Variants in SRPK2 observed in about 807,000 individuals in gnomAD.
SRPK2 encodes the protein SRSF protein kinase 2, also known as SFRS protein kinase 2.
SRPK2 carries 21 observed loss-of-function variants against 90.8 expected under a neutral mutation model. That is an observed-to-expected ratio of 0.23 (90% CI 0.16 to 0.33). The LOEUF is 0.33. Ranked by LOEUF, SRPK2 falls within the 10% of genes least tolerant of loss-of-function variation. The pLI, the probability that SRPK2 is intolerant of heterozygous loss-of-function variation, is 1.00. For synonymous variants in SRPK2, 288 were observed against 311.1 expected, an observed-to-expected ratio of 0.93 and a Z score of 0.78; for missense variants, 620 against 869.0, an observed-to-expected ratio of 0.71 and a Z score of 3.60.
rs115987708 is a variant in SRPK2 at position 105,250,499 on chromosome 7, C to A, written c.72-46714G>T. ...AGTATGTCATCAGTCACTGTAATTT[C>A]ACATTTGGAGATATACAGGTTTTCC... On this transcript the variant is annotated intron_variant, in intron 2 of 15. Transcript: ENST00000393651. Among the ~76,000 whole-genome samples the A allele has an allele frequency of 4.4e-3, 667 of 152,178 alleles. 8 individuals are homozygous for A. The highest frequency in any genetic ancestry group is 0.015 in the African/African-American group (643 of 41,512).
chr7:105,350,288 A>C (rs918427699), intron 2 of SRPK2, among the ~76,000 whole-genome samples: 9 of 147,494 alleles, frequency 6.1e-5, no homozygotes, highest in African/African-American at 2.2e-4. Context: ...CATGCCACCA[A>C]GCCTGGCTAA....
chr7:105,149,790 G>A (rs900890353), intron 7 of SRPK2, among the ~76,000 whole-genome samples: 1 of 152,150 alleles, frequency 6.6e-6, no homozygotes, highest in Non-Finnish European at 1.5e-5. Context: ...AGGGAACAAA[G>A]ATTTTACAAG....
At chr7:105,396,399 A>T (rs1195706468) in intron 1 of SRPK2, among the ~76,000 whole-genome samples, 1 of 151,480 alleles carries the variant, frequency 6.6e-6, no homozygotes, top group African/African-American at 2.4e-5. Context: ...GCACTTTGGG[A>T]GGCTGAGGCA....
chr7:105,204,648 G>C, intron 2 of SRPK2: 1 of 928,684 alleles, frequency 1.1e-6, no homozygotes, highest in Non-Finnish European at 1.6e-6. Flanking sequence ...TGCCCGACAT[G>C]TGAGTGCCAT....
At chr7:105,347,536 AGAATGAGGGGGAG>A (rs1282336489) in intron 2 of SRPK2, among the ~76,000 whole-genome samples, 6 of 152,076 alleles carry the variant, frequency 3.9e-5, no homozygotes, top group Non-Finnish European at 8.8e-5. Flanking sequence ...ATTCAGCCGA[AGAATGAGGGGGAG>A]GGGGAGGAGG....
At chr7:105,300,301 C>T (rs1399554953) in intron 2 of SRPK2, among the ~76,000 whole-genome samples, 1 of 144,980 alleles carries the variant, frequency 6.9e-6, no homozygotes, top group Non-Finnish European at 1.5e-5. Context: ...ATATTTAGAA[C>T]ACTATGTGCA....
intron 2 of SRPK2, among the ~76,000 whole-genome samples, chr7:105,250,973 G>T (rs1802407633): frequency 6.6e-6 from 1 of 152,136 alleles, no homozygotes; most frequent in African/African-American, 2.4e-5. Context: ...TAGGAACATG[G>T]CTGATATTAG....
Position 105,243,458 on chromosome 7 carries a change from G to T in SRPK2, c.72-39673C>A, listed in dbSNP as rs116396803. ...AGGACAATGCAGACAGATCACCTGAGGTCAGGAGTTCAAGACTAGTCTGGC... is the reference window on the plus strand; with the variant it reads ...AGGACAATGCAGACAGATCACCTGATGTCAGGAGTTCAAGACTAGTCTGGC... On this transcript the variant is annotated intron_variant, in intron 2 of 15. Coordinates refer to ENST00000393651, the MANE Select transcript of SRPK2 (RefSeq NM_182692.3). Among the ~76,000 whole-genome samples the T allele has an allele frequency of 8.1e-3, 1,226 of 152,132 alleles. 14 individuals carry two copies. Among genetic ancestry groups the T allele is most frequent in the African/African-American group, 0.028 (1,173 of 41,478 alleles).
At chr7:105,273,178 G>A (rs1806056597) in intron 2 of SRPK2, among the ~76,000 whole-genome samples, 1 of 151,194 alleles carries the variant, frequency 6.6e-6, no homozygotes, top group African/African-American at 2.4e-5. Context: ...TCGCGCCACT[G>A]CACTCCAACC....
At chr7:105,132,046 G>C (rs911631784) in intron 13 of SRPK2, among the ~76,000 whole-genome samples, 1 of 152,194 alleles carries the variant, frequency 6.6e-6, no homozygotes, top group Admixed American at 6.5e-5. Context: ...ATGCCAGGCA[G>C]GGCCAGGGGA....
At chr7:105,373,976 G>A (rs1585948620) in intron 2 of SRPK2, among the ~76,000 whole-genome samples, 1 of 152,164 alleles carries the variant, frequency 6.6e-6, no homozygotes, top group Non-Finnish European at 1.5e-5. Flanking sequence ...CGCCCACGCT[G>A]GAGTGCAGTG....
intron 14 of SRPK2, 141 bp from the exon 15 acceptor site, chr7:105,126,481 G>C (rs984539464): frequency 9.0e-6 from 6 of 663,668 alleles, no homozygotes; most frequent in Non-Finnish European, 2.6e-6. Flanking sequence ...CCATGCAGAG[G>C]CTTGTGGGAA....
At chr7:105,322,827 A>G (rs1374739126) in intron 2 of SRPK2, among the ~76,000 whole-genome samples, 1 of 152,038 alleles carries the variant, frequency 6.6e-6, no homozygotes, top group Non-Finnish European at 1.5e-5. Flanking sequence ...AATGCTCTCC[A>G]CAGCTCCATG....
At chr7:105,375,430 C>A (rs924625828) in intron 2 of SRPK2, among the ~76,000 whole-genome samples, 4 of 152,086 alleles carry the variant, frequency 2.6e-5, no homozygotes, top group Non-Finnish European at 5.9e-5. Flanking sequence ...ACCTGTAATC[C>A]CAACACTTTG....
chr7:105,269,903 C>A (rs1414720305), intron 2 of SRPK2, among the ~76,000 whole-genome samples: 1 of 152,152 alleles, frequency 6.6e-6, no homozygotes, highest in South Asian at 2.1e-4. Flanking sequence ...AAAAAGTTCA[C>A]ATACTAAAAA....
intron 2 of SRPK2, among the ~76,000 whole-genome samples, chr7:105,280,646 A>AT (rs1328621820): frequency 2.2e-5 from 2 of 91,550 alleles, no homozygotes; most frequent in South Asian, 8.5e-4. Context: ...AAAACAAGTC[A>AT]TTAAAAAAAA....
intron 15 of SRPK2, among the ~76,000 whole-genome samples, chr7:105,124,603 T>C (rs543424910): frequency 8.3e-6 from 1 of 120,940 alleles, no homozygotes; most frequent in East Asian, 2.2e-4. Flanking sequence ...ATTGCGCCAC[T>C]GCACTCCAGC....
intron 11 of SRPK2, among the ~76,000 whole-genome samples, chr7:105,141,177 G>A (rs543216533): frequency 1.3e-5 from 2 of 152,290 alleles, no homozygotes; most frequent in Non-Finnish European, 2.9e-5. Flanking sequence ...TAGCCAGTGC[G>A]TAACAAAGCC....
At position 105,337,657 on chromosome 7, in the gene SRPK2, C is replaced by T. The variant is rs188326875; in HGVS notation, c.71+50991G>A. 1.2e-4 allele frequency among the ~76,000 whole-genome samples: 18 copies of T among 152,174 alleles called. No individual in the cohort carries two copies. In the East Asian group the frequency reaches 3.5e-3, roughly 29 times the overall value. ...AAAGAGAGACACCAGACAGCTTGCT[C>T]CCTAACTCTCCTAAGCGCGATGGCA... On this transcript the variant is annotated intron_variant, in intron 2 of 15. Coordinates refer to ENST00000393651, the MANE Select transcript of SRPK2 (RefSeq NM_182692.3).
Sources: allele counts gnomAD v4.1 joint callset (sites outside exome capture counted in the v4.1 genomes callset), GRCh38; gene constraint gnomAD v4.1.1; transcripts MANE v1.5; gene names NCBI Gene and HGNC (gene_info 2026-07-23, HGNC 2026-07-21).